Variants in PSMA1 observed in about 807,000 individuals in gnomAD.
The protein encoded by PSMA1 is proteasome 20S subunit alpha 1, also known as proteasome subunit alpha type-1.
In PSMA1, 3 loss-of-function variants were observed where a neutral mutation model predicts 38.4. That is an observed-to-expected ratio of 0.08 (90% CI 0.04 to 0.20). The LOEUF is 0.20. PSMA1 is among the 10% of genes least tolerant of loss of function. The pLI, the probability that PSMA1 is intolerant of heterozygous loss-of-function variation, is 1.00. For synonymous variants in PSMA1, 101 were observed against 107.1 expected, an observed-to-expected ratio of 0.94 and a Z score of 0.35; for missense variants, 227 against 325.3, an observed-to-expected ratio of 0.70 and a Z score of 2.32.
intron 4 of PSMA1, among the ~76,000 whole-genome samples, chr11:14,516,215 A>G (rs1851427158): frequency 2.0e-5 from 3 of 151,780 alleles, no homozygotes; most frequent in African/African-American, 7.3e-5. Context: ...GTCTCAAAAA[A>G]AAAAAAAAGA....
At chr11:14,565,567 GT>G (rs1852060659) in intron 2 of PSMA1, among the ~76,000 whole-genome samples, 1 of 152,142 alleles carries the variant, frequency 6.6e-6, no homozygotes, top group African/African-American at 2.4e-5. Flanking sequence ...GAAAGCCTTA[GT>G]GTATCTGCTA....
chr11:14,572,397 C>T (rs1000544859), intron 2 of PSMA1, among the ~76,000 whole-genome samples: 1 of 152,188 alleles, frequency 6.6e-6, no homozygotes, highest in Non-Finnish European at 1.5e-5. Context: ...AACTGAACAA[C>T]CTGCTCCTGA....
chr11:14,599,730 G>A (rs1215126951), intron 2 of PSMA1, among the ~76,000 whole-genome samples: 6 of 152,170 alleles, frequency 3.9e-5, no homozygotes, highest in South Asian at 4.1e-4. Flanking sequence ...ACCTTCTGAA[G>A]CCTACTTCTG....
intron 1 of PSMA1, among the ~76,000 whole-genome samples, chr11:14,621,668 G>A (rs1852845531): frequency 6.6e-6 from 1 of 152,146 alleles, no homozygotes; most frequent in African/African-American, 2.4e-5. Context: ...GTTTCTATAA[G>A]TAATTCTTTC....
intron 2 of PSMA1, among the ~76,000 whole-genome samples, chr11:14,543,752 G>A (rs745650635): frequency 1.8e-4 from 28 of 152,182 alleles, no homozygotes; most frequent in Non-Finnish European, 2.8e-4. Context: ...TGTACATCAG[G>A]TCCTTGAATA....
intron 1 of PSMA1, among the ~76,000 whole-genome samples, chr11:14,619,991 T>C (rs768496784): frequency 1.3e-5 from 2 of 152,190 alleles, no homozygotes; most frequent in Non-Finnish European, 2.9e-5. Flanking sequence ...GCAAACACTT[T>C]TAATTCTCGT....
At chr11:14,533,134 T>G (rs1425208022) in intron 2 of PSMA1, among the ~76,000 whole-genome samples, 1 of 152,202 alleles carries the variant, frequency 6.6e-6, no homozygotes, top group East Asian at 1.9e-4. Flanking sequence ...CTGCATTTCT[T>G]TAGGTCCACT....
chr11:14,547,533 G>T (rs1452915100), intron 2 of PSMA1, among the ~76,000 whole-genome samples: 1 of 152,162 alleles, frequency 6.6e-6, no homozygotes, highest in Non-Finnish European at 1.5e-5. Context: ...GGAACTGGGA[G>T]TGCAGTAAAA....
chr11:14,505,253 A>T lies in PSMA1; in HGVS notation c.736-5T>A. The T allele has an allele frequency of 6.2e-7, 1 of 1,613,118 alleles. No homozygotes were observed. Among genetic ancestry groups the T allele is most frequent in the Non-Finnish European group, 8.5e-7 (1 of 1,179,198 alleles). ...TTCATCAGCAGGTTGAGCAGGCTTA[A>T]CAGGGAAAGAAAAAAAGAAAATATG... On this transcript the variant is annotated splice_polypyrimidine_tract_variant and splice_region_variant and intron_variant, in intron 9 of 9. Transcript: ENST00000396394.
chr11:14,592,353 A>AGTCTCT (rs1852428059), intron 2 of PSMA1, among the ~76,000 whole-genome samples: 1 of 113,742 alleles, frequency 8.8e-6, no homozygotes, highest in African/African-American at 3.5e-5. Context: ...ACTCTGACAC[A>AGTCTCT]GTCTCTCTCT....
chr11:14,592,023 G>C (rs1852422092), intron 2 of PSMA1, among the ~76,000 whole-genome samples: 1 of 151,434 alleles, frequency 6.6e-6, no homozygotes, highest in African/African-American at 2.4e-5. Context: ...GAGCCCACCG[G>C]GAGGAAGGAA....
At position 14,615,410 on chromosome 11, in the gene PSMA1, C is replaced by G. The variant is rs1916043; in HGVS notation, c.-165-4259G>C. Reference sequence around the variant, plus strand: ...TCTGGTAGATTTGAACAGTGGGACACGCTGAAAGAAACTCAGAGGACAGAA... The same window carrying G: ...TCTGGTAGATTTGAACAGTGGGACAGGCTGAAAGAAACTCAGAGGACAGAA... On this transcript the variant is annotated intron_variant, in intron 1 of 10. Transcript: ENST00000418988. Among the ~76,000 whole-genome samples, 819 of 152,184 alleles carry G rather than the reference C, an allele frequency of 5.4e-3. 9 individuals carry two copies. Among genetic ancestry groups the G allele is most frequent in the African/African-American group, 0.019 (786 of 41,482 alleles).
chr11:14,586,718 A>T (rs1429954695), intron 2 of PSMA1, among the ~76,000 whole-genome samples: 1 of 151,692 alleles, frequency 6.6e-6, no homozygotes, highest in Admixed American at 6.6e-5. Context: ...CCACCGAAGA[A>T]TCTCTCCCTT....
intron 2 of PSMA1, among the ~76,000 whole-genome samples, chr11:14,602,272 A>C (rs1238703455): frequency 6.6e-6 from 1 of 152,230 alleles, no homozygotes; most frequent in African/African-American, 2.4e-5. Context: ...TGTCTTGGCC[A>C]TGAAAAGGCT....
intron 2 of PSMA1, among the ~76,000 whole-genome samples, chr11:14,563,620 T>C (rs1380029963): frequency 6.6e-6 from 1 of 152,204 alleles, no homozygotes; most frequent in East Asian, 1.9e-4. Context: ...ATAACATCTT[T>C]AAAATATCAT....
intron 2 of PSMA1, among the ~76,000 whole-genome samples, chr11:14,609,034 C>G (rs1325269510): frequency 6.6e-6 from 1 of 152,142 alleles, no homozygotes; most frequent in Non-Finnish European, 1.5e-5. Flanking sequence ...TAGCGCAGTT[C>G]CTAGAATGGA....
intron 2 of PSMA1, among the ~76,000 whole-genome samples, chr11:14,572,898 T>A (rs1026970028): frequency 1.3e-5 from 2 of 152,060 alleles, no homozygotes; most frequent in African/African-American, 4.8e-5. Context: ...TCTACGCAAA[T>A]AAACTAGAAA....
chr11:14,574,658 TA>T (rs923971439), intron 2 of PSMA1, among the ~76,000 whole-genome samples: 24 of 152,280 alleles, frequency 1.6e-4, no homozygotes, highest in African/African-American at 5.5e-4. Flanking sequence ...GATGGTTTTA[TA>T]AGGGGCTTTT....
chr11:14,610,862 G>GT, intron 2 of PSMA1: 1 of 1,196,332 alleles, frequency 8.4e-7, no homozygotes, highest in East Asian at 2.5e-5. Context: ...CTAGAGATGC[G>GT]TTTTTCTCAC....
Sources: gnomAD v4.1 joint callset for allele counts (sites outside exome capture counted in the v4.1 genomes callset) on GRCh38, gnomAD v4.1.1 for gene constraint, MANE v1.5 for transcripts, NCBI Gene and HGNC (gene_info 2026-07-23, HGNC 2026-07-21) for gene names.